ARHGEF2: variants seen among roughly 807,000 people sequenced by gnomAD.
The protein encoded by ARHGEF2 is rho guanine nucleotide exchange factor 2.
ARHGEF2 carries 22 observed loss-of-function variants against 121.0 expected under a neutral mutation model. The observed-to-expected ratio is 0.18, with a 90% confidence interval of 0.13 to 0.26. ARHGEF2 has a LOEUF of 0.26. Among genes scored for constraint, ARHGEF2 ranks in the 10% least tolerant of loss-of-function variants. ARHGEF2 has a pLI of 1.00. For synonymous variants in ARHGEF2, 487 were observed against 530.0 expected (o/e 0.92, Z 1.11); for missense variants, 907 against 1,336.0 (o/e 0.68, Z 5.01).
Position 155,965,399 on chromosome 1 carries a change from C to T in ARHGEF2, c.484G>A (p.Glu162Lys). The T allele has an allele frequency of 6.2e-7, 1 of 1,614,092 alleles. No individual in the cohort carries two copies. The highest frequency in any genetic ancestry group is 8.5e-7 in the Non-Finnish European group (1 of 1,179,964). ...TTNIAGHFND[E>K]SPLGLRRILS... ...ATCCGGCGCAGCCCCAGGGGAGACT[C>T]ATCATTGAAATGTCTGAAGAAAGTG... is the stretch of plus-strand genomic sequence containing the variant. The change falls in exon 6 of 22, where the codon GAG becomes AAG. Residue 162 changes from glutamate to lysine, a missense_variant. By Grantham distance (56) the Glu-to-Lys change is moderately conservative. Coordinates refer to ENST00000361247, the MANE Select transcript of ARHGEF2 (RefSeq NM_001162383.2). The surrounding 1 kb of genome is among the most constrained non-coding windows in gnomAD (Gnocchi z 6.0).
chr1:155,950,571 C>T lies in ARHGEF2; in HGVS notation c.2704-89G>A, dbSNP rs984318087. ...TGCTTGGCTGAAGGCAGCAGCTCTC[C>T]CCCCTGGGGCTCACCCATGAGTCCC... On this transcript the variant is annotated intron_variant, in intron 20 of 21. Transcript: ENST00000361247. This position sits in a 1 kb window ranked among gnomAD's most constrained non-coding sequence, Gnocchi z 5.2. 7.2e-7 allele frequency: 1 copy of T among 1,379,516 alleles called. No individual in the cohort carries two copies. Among genetic ancestry groups the T allele is most frequent in the Non-Finnish European group, 1.0e-6 (1 of 989,712 alleles). 85.5% of individuals were successfully genotyped at this position (1,379,516 alleles called of 1,614,324 possible).
chr1:155,965,512 G>A lies in ARHGEF2; in HGVS notation c.471-100C>T, dbSNP rs191163139. The stretch of plus-strand genomic sequence containing the variant: ...AGGATCCAAGAGGCGGTCCCCCTAA[G>A]TTCTCCTTATTTGTCTGTCTACAGT... On this transcript the variant is annotated intron_variant, in intron 5 of 21. Coordinates refer to ENST00000361247, the MANE Select transcript of ARHGEF2 (RefSeq NM_001162383.2). This position sits in a 1 kb window ranked among gnomAD's most constrained non-coding sequence, Gnocchi z 6.0. 5.6e-6 allele frequency: 9 copies of A among 1,603,336 alleles called. No individual in the cohort carries two copies. Among genetic ancestry groups the A allele is most frequent in the Non-Finnish European group, 7.7e-6 (9 of 1,171,528 alleles).
At chr1:155,974,101 G>A (rs188786490) in intron 1 of ARHGEF2, among the ~76,000 whole-genome samples, 63 of 152,008 alleles carry the variant, frequency 4.1e-4, no homozygotes, top group Non-Finnish European at 8.5e-4. Flanking sequence ...GCCCAGGCTT[G>A]TCTCAAATTC....
At position 155,968,495 on chromosome 1, in the gene ARHGEF2, CT is replaced by C. The variant is rs1430576395; in HGVS notation, c.208+660del. The C allele has an allele frequency of 2.0e-5, 3 of 152,288 alleles. No individual in the cohort carries two copies. The East Asian group carries it at 5.8e-4, about 29-fold the overall frequency. 9.4% of individuals were successfully genotyped at this position (152,288 alleles called of 1,614,324 possible). ...TGTGTACTGGGGAAGGAAAGAATTC[CT>C]GGCTTATACTCCCTAAAGACAGGAC... is the stretch of plus-strand genomic sequence containing the variant. On this transcript the variant is annotated intron_variant, in intron 2 of 21. Transcript: ENST00000361247.
chr1:155,978,088 G>A lies in ARHGEF2; in HGVS notation c.63+277C>T, dbSNP rs931856493. On this transcript the variant is annotated intron_variant, in intron 1 of 21. Transcript: ENST00000361247. The surrounding 1 kb of genome is among the most constrained non-coding windows in gnomAD (Gnocchi z 4.1). ...TTACCGGAGCAACTTTCTTTCAAGC[G>A]GCCTAAAGCACTCGGTCCCGCCGGC... The A allele has an allele frequency of 2.5e-6, 3 of 1,182,850 alleles. No homozygotes were observed. The highest frequency in any genetic ancestry group is 1.6e-5 in the African/African-American group (1 of 63,272). The allele number at this position is 1,182,850 out of a possible 1,614,324, so 73.3% of individuals were successfully genotyped here.
Position 155,965,190 on chromosome 1 carries a change from G to T in ARHGEF2, c.581-59C>A, listed in dbSNP as rs1679117369. The T allele has an allele frequency of 6.2e-7, 1 of 1,609,094 alleles. No homozygotes were observed. The stretch of plus-strand genomic sequence containing the variant: ...TTGAGTTCCCTTCCCTGGGTCCCTG[G>T]CCCTTCTCTAGATCCCTTCCCTCCT... On this transcript the variant is annotated intron_variant, in intron 6 of 21. Transcript: ENST00000361247. This position sits in a 1 kb window ranked among gnomAD's most constrained non-coding sequence, Gnocchi z 6.0.
intron 2 of ARHGEF2, chr1:155,968,903 C>G (rs1463490001): frequency 2.2e-6 from 1 of 464,514 alleles, no homozygotes; most frequent in Non-Finnish European, 3.9e-6. Flanking sequence ...TGGATGACAG[C>G]TGCAAGAGGA....
intron 1 of ARHGEF2, among the ~76,000 whole-genome samples, chr1:155,971,906 T>C (rs1466880484): frequency 6.6e-6 from 1 of 150,680 alleles, no homozygotes; most frequent in Non-Finnish European, 1.5e-5. Context: ...TATATACATA[T>C]ATATATATAC....
In ARHGEF2 at chr1:155,969,260, C is replaced by T. The variant is rs1174401642; in HGVS notation, c.104G>A (p.Arg35His). 1.9e-6 allele frequency: 3 copies of T among 1,613,958 alleles called. No individual in the cohort carries two copies. Among genetic ancestry groups the T allele is most frequent in the Admixed American group, 3.3e-5 (2 of 59,996 alleles). The change falls in exon 2 of 22, where the codon CGC (arginine) becomes CAC (histidine). Residue 35 changes from arginine (R) to histidine (H), a missense_variant. Arg to His is a conservative substitution (Grantham distance 29). Around this residue, in one of 2 missense-constraint regions of ARHGEF2, gnomAD observed 475 missense variants for 776.5 expected, o/e 0.61. Coordinates refer to ENST00000361247, the MANE Select transcript of ARHGEF2 (RefSeq NM_001162383.2). ...GGTGAAGAGGTGCCCATTGGTATAGCGGGCATCCTTGGCTTCCTTCATCTT... is the reference window on the plus strand; with the variant it reads ...GGTGAAGAGGTGCCCATTGGTATAGTGGGCATCCTTGGCTTCCTTCATCTT... ...KEKMKEAKDA[R>H]YTNGHLFTTI... is the part of the protein sequence containing the mutation.
At position 155,965,325 on chromosome 1, in the gene ARHGEF2, G is replaced by T. The variant is rs1006544164; in HGVS notation, c.558C>A (p.Ser186=). Reference sequence around the variant, plus strand: ...CACCTTCGTCAATGAGGGATTCCACGGATAGGGTTCGGTTCCGCATGTTGA... The same window carrying T: ...CACCTTCGTCAATGAGGGATTCCACTGATAGGGTTCGGTTCCGCATGTTGA... ...DSLNMRNRTL[S]VESLIDEAEV... is the part of the protein sequence containing the mutation. The change falls in exon 6 of 22, where the codon TCC becomes TCA. Residue 186 remains serine, a synonymous_variant. Coordinates refer to ENST00000361247, the MANE Select transcript of ARHGEF2 (RefSeq NM_001162383.2). This position sits in a 1 kb window ranked among gnomAD's most constrained non-coding sequence, Gnocchi z 6.0. The T allele has an allele frequency of 6.2e-7, 1 of 1,614,160 alleles. No individual in the cohort carries two copies. The highest frequency in any genetic ancestry group is 1.3e-5 in the African/African-American group (1 of 75,050).
intron 1 of ARHGEF2, chr1:155,969,545 G>A (rs771541484): frequency 2.1e-5 from 29 of 1,351,068 alleles, no homozygotes; most frequent in African/African-American, 2.9e-5. Flanking sequence ...TGGCCCCTAC[G>A]GCTGGGCTGC....
At chr1:155,972,186 T>G (rs766790786) in intron 1 of ARHGEF2, 29 of 448,658 alleles carry the variant, frequency 6.5e-5, no homozygotes, top group Non-Finnish European at 1.3e-4. Context: ...CCTTCCTCTC[T>G]CTGGCATCAA....
rs1675732198 is a variant in ARHGEF2 at position 155,952,654 on chromosome 1, C to T, written c.1958G>A (p.Arg653Gln). 6.8e-6 allele frequency: 11 copies of T among 1,613,092 alleles called. No homozygotes were observed. The highest frequency in any genetic ancestry group is 8.5e-6 in the Non-Finnish European group (10 of 1,179,160). ...SESLESPRGE[R>Q]LLQDAIREVE... is the part of the protein sequence containing the mutation. ...CTCACGGATGGCATCCTGCAGCAGC[C>T]GCTCGCCACGAGGGGACTCAAGGGA... Residue 653 changes from arginine (R) to glutamine (Q), a missense_variant, in exon 15 of 22, where the codon CGG becomes CAG. Around this residue, in one of 2 missense-constraint regions of ARHGEF2, gnomAD observed 432 missense variants for 559.5 expected, o/e 0.77. Transcript: ENST00000361247.
At chr1:155,960,545 G>C (rs145393914) in intron 11 of ARHGEF2, among the ~76,000 whole-genome samples, 2 of 151,820 alleles carry the variant, frequency 1.3e-5, no homozygotes, top group East Asian at 3.9e-4. Context: ...TGGGCACACA[G>C]AAGGGGAGGG....
At position 155,962,301 on chromosome 1, in the gene ARHGEF2, C is replaced by G; in HGVS notation, c.1102-79G>C. 7.0e-7 allele frequency: 1 copy of G among 1,425,850 alleles called. No homozygotes were observed. The highest frequency in any genetic ancestry group is 9.7e-7 in the Non-Finnish European group (1 of 1,026,750). 88.3% of individuals were successfully genotyped at this position (1,425,850 alleles called of 1,614,324 possible). A position where few individuals can be genotyped will look rare whatever the true frequency, so the allele number is the denominator to read the frequency against. On this transcript the variant is annotated intron_variant, in intron 9 of 21. Transcript: ENST00000361247. This position sits in a 1 kb window ranked among gnomAD's most constrained non-coding sequence, Gnocchi z 5.8. ...TGGGGCCTGAGCTCTGGTGCTGGCC[C>G]TGGCGTGGCCATTTACCTCATGCTT...
chr1:155,975,794 T>C (rs1681200907), intron 1 of ARHGEF2, among the ~76,000 whole-genome samples: 1 of 152,070 alleles, frequency 6.6e-6, no homozygotes, highest in African/African-American at 2.4e-5. Flanking sequence ...TGGTCCCTGC[T>C]TGGCAGAAAA....
rs906767474 is a variant in ARHGEF2, at chr1:155,950,157, A to T, written c.2887+142T>A. 2.0e-6 allele frequency: 2 copies of T among 1,019,100 alleles called. No homozygotes were observed. The highest frequency in any genetic ancestry group is 3.2e-5 in the African/African-American group (2 of 62,490). 63.1% of individuals were successfully genotyped at this position (1,019,100 alleles called of 1,614,324 possible). A position where few individuals can be genotyped will look rare whatever the true frequency, so the allele number is the denominator to read the frequency against. On this transcript the variant is annotated intron_variant, in intron 21 of 21. Coordinates refer to ENST00000361247, the MANE Select transcript of ARHGEF2 (RefSeq NM_001162383.2). The surrounding 1 kb of genome is among the most constrained non-coding windows in gnomAD (Gnocchi z 5.2). ...CTTCCTAGACTTCCACCACCCATTCATCATCAGACAAAACAGGAAGTCCCT... is the reference window on the plus strand; with the variant it reads ...CTTCCTAGACTTCCACCACCCATTCTTCATCAGACAAAACAGGAAGTCCCT...
At position 155,965,303 on chromosome 1, in the gene ARHGEF2, C is replaced by G. The variant is rs1679141961; in HGVS notation, c.580G>C (p.Ala194Pro). 6.2e-7 allele frequency: 1 copy of G among 1,613,990 alleles called. No homozygotes were observed. The highest frequency in any genetic ancestry group is 8.5e-7 in the Non-Finnish European group (1 of 1,179,944). Residue 194 changes from alanine (A) to proline (P), a missense_variant and splice_region_variant, in exon 6 of 22, where the codon GCA becomes CCA. Transcript: ENST00000361247. The surrounding 1 kb of genome is among the most constrained non-coding windows in gnomAD (Gnocchi z 6.0). ...CTCCCCTGGGCCCAGGCCTGCTCACCTTCGTCAATGAGGGATTCCACGGAT... is the reference window on the plus strand; with the variant it reads ...CTCCCCTGGGCCCAGGCCTGCTCACGTTCGTCAATGAGGGATTCCACGGAT... ...TLSVESLIDEAEVIYSELMSD... is the reference protein window; with the variant it reads ...TLSVESLIDEPEVIYSELMSD...
Position 155,951,220 on chromosome 1 carries a change from G to A in ARHGEF2, c.2312C>T (p.Pro771Leu). Residue 771 changes from proline to leucine, a missense_variant, in exon 20 of 22, where the codon CCT (proline) becomes CTT (leucine). Physicochemically the swap from Pro to Leu is moderately conservative, Grantham distance 98. Around this residue, in one of 2 missense-constraint regions of ARHGEF2, gnomAD observed 432 missense variants for 559.5 expected, o/e 0.77. Coordinates refer to ENST00000361247, the MANE Select transcript of ARHGEF2 (RefSeq NM_001162383.2). This position sits in a 1 kb window ranked among gnomAD's most constrained non-coding sequence, Gnocchi z 5.1. ...TCGGCACAGCTTCTCCCGCCGCTCA[G>A]GGCCCTCAGGGAACCGGGCTTCCAT... ...TLMEARFPEG[P>L]ERREKLCRAN... 2 of 1,611,394 alleles carry A rather than the reference G, an allele frequency of 1.2e-6. No homozygotes were observed. Among genetic ancestry groups the A allele is most frequent in the South Asian group, 1.1e-5 (1 of 90,856 alleles).
Sources: gnomAD v4.1 joint callset for allele counts (sites outside exome capture counted in the v4.1 genomes callset) on GRCh38, gnomAD v4.1.1 for gene constraint, gnomAD v4.1.1 regional missense constraint, Gnocchi (gnomAD v3.1) non-coding constraint, MANE v1.5 for transcripts, NCBI Gene and HGNC (gene_info 2026-07-23, HGNC 2026-07-21) for gene names.